DNAH8: variants seen among roughly 807,000 people sequenced by gnomAD.
DNAH8 encodes axonemal beta dynein heavy chain 8.
In DNAH8, 382 loss-of-function variants were observed where a neutral mutation model predicts 562.1. That is an observed-to-expected ratio of 0.68 (90% confidence interval 0.63 to 0.74). The LOEUF is 0.74. Among genes scored for constraint, DNAH8 ranks in the 30% least tolerant of loss-of-function variants. The pLI, the probability that DNAH8 is intolerant of heterozygous loss-of-function variation, is 0.00. For synonymous variants in DNAH8, 1,881 were observed against 1,919.4 expected (o/e 0.98, Z 0.52); for missense variants, 5,203 against 5,620.4 (o/e 0.93, Z 2.37).
At chr6:38,853,446 G>T in intron 41 of DNAH8, 99 bp downstream of exon 41, 4 of 1,333,528 alleles carry the variant, frequency 3.0e-6, no homozygotes, top group Non-Finnish European at 3.1e-6. Context: ...GGCAATTGTA[G>T]CTTTGAATTA....
chr6:38,867,267 G>A (rs1777111503), intron 47 of DNAH8, among the ~76,000 whole-genome samples: 1 of 142,256 alleles, frequency 7.0e-6, no homozygotes, highest in African/African-American at 2.5e-5. Flanking sequence ...GTAGTTGTAT[G>A]GAATATGTAA....
chr6:38,980,896 C>T (rs1287601743), intron 85 of DNAH8, among the ~76,000 whole-genome samples: 1 of 151,978 alleles, frequency 6.6e-6, no homozygotes, highest in East Asian at 1.9e-4. Flanking sequence ...TTCTGAATTC[C>T]TTCTCTGACT....
intron 74 of DNAH8, chr6:38,929,280 C>G (rs1053454210): frequency 5.8e-6 from 2 of 345,460 alleles, no homozygotes; most frequent in Non-Finnish European, 1.0e-5. Flanking sequence ...CCCCTTAACC[C>G]TCCTCTTTTG....
At position 38,818,420 on chromosome 6, in the gene DNAH8, G is replaced by A. The variant is rs146076430; in HGVS notation, c.3523+2763G>A. 5.2e-3 allele frequency among the ~76,000 whole-genome samples: 780 copies of A among 151,198 alleles called. 6 individuals are homozygous for A. Among genetic ancestry groups the A allele is most frequent in the African/African-American group, 0.018 (757 of 41,192 alleles). On this transcript the variant is annotated intron_variant, in intron 26 of 92. Coordinates refer to ENST00000327475, the MANE Select transcript of DNAH8 (RefSeq NM_001206927.2). ...ATCTGCAAAATTATCAACCAAGTAC[G>A]ATGTAAATAGACATTTTCAGACATG...
Position 38,781,296 on chromosome 6 carries a change from A to G in DNAH8, c.2182A>G (p.Met728Val), listed in dbSNP as rs746052496. The change falls in exon 16 of 93, where the codon ATG becomes GTG. Residue 728 changes from methionine (M) to valine (V), a missense_variant. Physicochemically the swap from Met to Val is conservative, Grantham distance 21 (BLOSUM62 1). Transcript: ENST00000327475. ...QKDDPPLARN[M>V]PPIAGKILWV... ...AGATGACCCCCCTCTTGCTCGCAAC[A>G]TGCCCCCTATAGCAGGAAAAATACT... is the stretch of plus-strand genomic sequence containing the variant. The G allele has an allele frequency of 9.9e-6, 16 of 1,613,804 alleles. No individual in the cohort carries two copies. The East Asian group carries it at 2.0e-4, about 20-fold the overall frequency.
chr6:38,952,959 A>G (rs970187586), intron 82 of DNAH8: 4 of 151,996 alleles, frequency 2.6e-5, no homozygotes, highest in African/African-American at 9.7e-5. Context: ...ATCTCTCTCA[A>G]ATCTGTTGCT....
intron 43 of DNAH8, among the ~76,000 whole-genome samples, chr6:38,861,949 GTT>G: frequency 7.4e-6 from 1 of 134,676 alleles, no homozygotes. Flanking sequence ...TGAAAACCAG[GTT>G]TTTTTTTTTT....
At chr6:38,803,839 G>A (rs1477987060) in intron 22 of DNAH8, among the ~76,000 whole-genome samples, 1 of 151,192 alleles carries the variant, frequency 6.6e-6, no homozygotes, top group Non-Finnish European at 1.5e-5. Flanking sequence ...TTTGGGGTTT[G>A]GGTACAGATA....
Position 39,008,907 on chromosome 6 carries a change from T to A in DNAH8, c.13308T>A (p.Ala4436=), listed in dbSNP as rs1313605136. The change falls in exon 89 of 93, where the codon GCT becomes GCA. Residue 4436 remains alanine, a synonymous_variant. Coordinates refer to ENST00000327475, the MANE Select transcript of DNAH8 (RefSeq NM_001206927.2). ...SGGGVGETRE[A]IVYRLSEDML... ...GTGGTGTGGGAGAGACCCGGGAGGCTATTGTTTATAGATTATCTGAAGATA... is the reference window on the plus strand; with the variant it reads ...GTGGTGTGGGAGAGACCCGGGAGGCAATTGTTTATAGATTATCTGAAGATA... 2 of 1,608,964 alleles carry A rather than the reference T, an allele frequency of 1.2e-6. No individual in the cohort carries two copies.
At chr6:38,907,925 C>T in intron 63 of DNAH8, 31 bp from the exon 64 acceptor site, 1 of 1,516,854 alleles carries the variant, frequency 6.6e-7, no homozygotes, top group Non-Finnish European at 8.8e-7. Flanking sequence ...ACTCTTAAAA[C>T]ACAGAACACT....
chr6:38,715,949 TATATA>T (rs1762284622), intron 1 of DNAH8, among the ~76,000 whole-genome samples: 4 of 25,314 alleles, frequency 1.6e-4, no homozygotes, highest in Non-Finnish European at 2.5e-4. Flanking sequence ...TATATATATA[TATATA>T]TATATATTTT....
intron 56 of DNAH8, among the ~76,000 whole-genome samples, chr6:38,885,179 A>T (rs1778827152): frequency 6.6e-6 from 1 of 152,144 alleles, no homozygotes; most frequent in South Asian, 2.1e-4. Context: ...AGCGCTCCTG[A>T]ATTCCGAACT....
At chr6:38,855,607 T>C (rs1776133384) in intron 41 of DNAH8, among the ~76,000 whole-genome samples, 1 of 152,200 alleles carries the variant, frequency 6.6e-6, no homozygotes, top group Admixed American at 6.5e-5. Flanking sequence ...GTAATTAGCA[T>C]ATCCATCATC....
intron 57 of DNAH8, 52 bp from the exon 58 acceptor site, chr6:38,890,600 T>C: frequency 3.1e-6 from 4 of 1,282,448 alleles, no homozygotes; most frequent in Non-Finnish European, 4.6e-6. Context: ...GATAAACATA[T>C]ACTTGGAAAT....
At chr6:38,828,107 T>C in intron 29 of DNAH8, 77 bp from the exon 30 acceptor site, 2 of 872,316 alleles carry the variant, frequency 2.3e-6, no homozygotes, top group Non-Finnish European at 3.7e-6. Context: ...CATAGGAATG[T>C]GTTTCTAGAA....
chr6:38,717,855 C>T (rs1305334801), intron 1 of DNAH8, among the ~76,000 whole-genome samples: 1 of 151,916 alleles, frequency 6.6e-6, no homozygotes, highest in African/African-American at 2.4e-5. Flanking sequence ...TTTTATGTAA[C>T]TGCATAAAGA....
chr6:38,747,384 C>CTTTTTTT (rs55729629), intron 8 of DNAH8, among the ~76,000 whole-genome samples: 11 of 113,768 alleles, frequency 9.7e-5, no homozygotes, highest in South Asian at 2.7e-4. Flanking sequence ...TTTTCTTTTT[C>CTTTTTTT]TTTTTTTTTT....
At chr6:38,720,790 C>T (rs1359928557) in intron 1 of DNAH8, among the ~76,000 whole-genome samples, 1 of 152,028 alleles carries the variant, frequency 6.6e-6, no homozygotes, top group Non-Finnish European at 1.5e-5. Flanking sequence ...TATGTGAACC[C>T]TCTCACCAAG....
At chr6:38,880,454 G>GA (rs1026397159) in intron 53 of DNAH8, among the ~76,000 whole-genome samples, 1 of 151,936 alleles carries the variant, frequency 6.6e-6, no homozygotes, top group Non-Finnish European at 1.5e-5. Context: ...GCGATGGGGG[G>GA]AAAAATCTCT....
Sources: gnomAD v4.1 joint callset for allele counts (sites outside exome capture counted in the v4.1 genomes callset) on GRCh38, gnomAD v4.1.1 for gene constraint, MANE v1.5 for transcripts, NCBI Gene and HGNC (gene_info 2026-07-23, HGNC 2026-07-21) for gene names.